The following PCDH9 variants were observed in gnomAD, a reference collection of about 807,000 sequenced individuals.
PCDH9 encodes protocadherin 9.
PCDH9 carries 24 observed loss-of-function variants against 70.6 expected under a neutral mutation model. That is an observed-to-expected ratio of 0.34 (90% CI 0.25 to 0.48). PCDH9 has a LOEUF of 0.48. PCDH9 is among the 20% of genes least tolerant of loss of function. The pLI, the probability that PCDH9 is intolerant of heterozygous loss-of-function variation, is 0.99. For missense variants in PCDH9, 1,281 were observed against 1,503.6 expected, an observed-to-expected ratio of 0.85 and a Z score of 2.45; for synonymous variants, 562 against 558.5, an observed-to-expected ratio of 1.01 and a Z score of -0.09.
chr13:67,080,145 C>T (rs2085955102), intron 2 of PCDH9, among the ~76,000 whole-genome samples: 1 of 152,220 alleles, frequency 6.6e-6, no homozygotes, highest in Non-Finnish European at 1.5e-5. Context: ...GCCGTGGTCA[C>T]TCATATTGAC....
intron 2 of PCDH9, among the ~76,000 whole-genome samples, chr13:66,952,126 T>C (rs916781759): frequency 2.0e-5 from 3 of 152,214 alleles, no homozygotes; most frequent in African/African-American, 7.2e-5. Context: ...TATATGGTTT[T>C]GTACAGTCTA....
chr13:66,851,841 CAG>C (rs1199903485), intron 3 of PCDH9, among the ~76,000 whole-genome samples: 2 of 152,112 alleles, frequency 1.3e-5, no homozygotes, highest in Non-Finnish European at 2.9e-5. Flanking sequence ...GCTTAAAAAA[CAG>C]AAATTTAATT....
At chr13:66,439,897 G>A (rs1331279333) in intron 4 of PCDH9, among the ~76,000 whole-genome samples, 1 of 152,110 alleles carries the variant, frequency 6.6e-6, no homozygotes, top group Admixed American at 6.6e-5. Flanking sequence ...AGGGTTACAA[G>A]TTTAACATCC....
rs145767337 is a variant in PCDH9, at chr13:66,865,857, C to T, written c.3138+37647G>A. Among the ~76,000 whole-genome samples the T allele has an allele frequency of 7.8e-3, 1,185 of 152,266 alleles. 12 individuals are homozygous for T. Among genetic ancestry groups the T allele is most frequent in the African/African-American group, 0.027 (1,104 of 41,536 alleles). The stretch of plus-strand genomic sequence containing the variant: ...TAAGTTGTCAAGTTTTTTGAAAATG[C>T]ACCTTTTCTGTTTTTACAAATAATT... On this transcript the variant is annotated intron_variant, in intron 3 of 4. Transcript: ENST00000377865.
At chr13:66,552,692 A>C (rs1039194089) in intron 4 of PCDH9, among the ~76,000 whole-genome samples, 1 of 152,146 alleles carries the variant, frequency 6.6e-6, no homozygotes, top group Non-Finnish European at 1.5e-5. Context: ...CACATATAAA[A>C]ATCAACATAA....
intron 4 of PCDH9, among the ~76,000 whole-genome samples, chr13:66,482,313 C>T (rs771542194): frequency 2.0e-5 from 3 of 152,124 alleles, no homozygotes; most frequent in Non-Finnish European, 4.4e-5. Flanking sequence ...TTGTCATTTC[C>T]GTCTCCCAAT....
intron 4 of PCDH9, among the ~76,000 whole-genome samples, chr13:66,308,417 A>G (rs528532706): frequency 6.6e-6 from 1 of 152,190 alleles, no homozygotes; most frequent in South Asian, 2.1e-4. Flanking sequence ...AAATTTATAG[A>G]AGTTTTGTAG....
chr13:67,063,210 T>G (rs2085573590), intron 2 of PCDH9, among the ~76,000 whole-genome samples: 1 of 152,094 alleles, frequency 6.6e-6, no homozygotes, highest in Non-Finnish European at 1.5e-5. Flanking sequence ...TATGGCATAG[T>G]GAGGTAGAGA....
chr13:66,598,609 T>G (rs1298044587), intron 4 of PCDH9, among the ~76,000 whole-genome samples: 1 of 151,844 alleles, frequency 6.6e-6, no homozygotes, highest in East Asian at 1.9e-4. Context: ...TATTAGATAA[T>G]AAATTCAACA....
At chr13:66,950,054 A>G (rs2083152549) in intron 2 of PCDH9, among the ~76,000 whole-genome samples, 1 of 152,126 alleles carries the variant, frequency 6.6e-6, no homozygotes, top group Non-Finnish European at 1.5e-5. Flanking sequence ...AAACAAGATT[A>G]TCACATTAAA....
At chr13:66,534,888 T>C (rs1960625640) in intron 4 of PCDH9, among the ~76,000 whole-genome samples, 1 of 152,120 alleles carries the variant, frequency 6.6e-6, no homozygotes, top group African/African-American at 2.4e-5. Flanking sequence ...TCTTGTCAAC[T>C]GTGACACAAG....
chr13:66,304,664 G>A lies in PCDH9; in HGVS notation c.3705C>T (p.His1235=), dbSNP rs2059235784. 6.2e-7 allele frequency: 1 copy of A among 1,612,552 alleles called. No homozygotes were observed. Among genetic ancestry groups the A allele is most frequent in the African/African-American group, 1.3e-5 (1 of 74,896 alleles). Residue 1235 remains histidine (H), a synonymous_variant, in exon 5 of 5, where the codon CAC becomes CAT. Transcript: ENST00000377865. ...AGGATESPKE[H]QL is the part of the protein sequence containing the mutation. ...CCCATATAGCCTTTTCTTAGAGTTG[G>A]TGCTCCTTAGGACTCTCAGTAGCAC...
At chr13:67,190,109 G>T (rs2088869414) in intron 2 of PCDH9, among the ~76,000 whole-genome samples, 3 of 151,918 alleles carry the variant, frequency 2.0e-5, no homozygotes, top group Admixed American at 1.3e-4. Flanking sequence ...GGTCCTCATA[G>T]AATTTTAAAT....
intron 2 of PCDH9, among the ~76,000 whole-genome samples, chr13:67,028,802 T>A (rs2084845207): frequency 6.6e-6 from 1 of 152,110 alleles, no homozygotes; most frequent in African/African-American, 2.4e-5. Flanking sequence ...TTAGAATAAA[T>A]GAAACCTCAA....
At position 67,227,800 on chromosome 13, in the gene PCDH9, T is replaced by C. The variant is rs1417079669; in HGVS notation, c.641A>G (p.Gln214Arg). The change falls in exon 2 of 5, where the codon CAG becomes CGG. Residue 214 changes from glutamine (Q) to arginine (R), a missense_variant. By Grantham distance (43) the Gln-to-Arg change is conservative. This residue lies in a region of PCDH9 where 798 missense variants were observed against 1,003.1 expected (regional missense o/e 0.80). Transcript: ENST00000377865. This position sits in a 1 kb window ranked among gnomAD's most constrained non-coding sequence, Gnocchi z 4.6. ...GATTTTCATCACATAGGTATCTTTC[T>C]GTTCTCTATCCAAGTTTTGCTGAAC... ...LIVQQNLDRE[Q>R]KDTYVMKIKV... 2 of 1,613,962 alleles carry C rather than the reference T, an allele frequency of 1.2e-6. No individual in the cohort carries two copies. Among genetic ancestry groups the C allele is most frequent in the African/African-American group, 1.3e-5 (1 of 74,928 alleles).
At chr13:66,906,677 T>C (rs1448510301) in intron 2 of PCDH9, among the ~76,000 whole-genome samples, 1 of 152,216 alleles carries the variant, frequency 6.6e-6, no homozygotes, top group Non-Finnish European at 1.5e-5. Context: ...TGTTCTTTCC[T>C]TACTTTTTAA....
At chr13:66,526,837 T>G (rs1383263783) in intron 4 of PCDH9, among the ~76,000 whole-genome samples, 1 of 152,188 alleles carries the variant, frequency 6.6e-6, no homozygotes, top group Non-Finnish European at 1.5e-5. Context: ...CTTTGTATTT[T>G]AGATTACTTA....
At chr13:66,407,117 G>T (rs1265295524) in intron 4 of PCDH9, among the ~76,000 whole-genome samples, 1 of 152,160 alleles carries the variant, frequency 6.6e-6, no homozygotes, top group African/African-American at 2.4e-5. Flanking sequence ...CTCTCCACTG[G>T]AGCAATGTCC....
At chr13:67,140,342 T>C (rs1053014660) in intron 2 of PCDH9, among the ~76,000 whole-genome samples, 8 of 152,062 alleles carry the variant, frequency 5.3e-5, no homozygotes, top group African/African-American at 1.9e-4. Context: ...TAAGATAAGT[T>C]TGCCAGTGGA....
Sources: allele counts gnomAD v4.1 joint callset (sites outside exome capture counted in the v4.1 genomes callset), GRCh38; gene constraint gnomAD v4.1.1; regional missense constraint gnomAD v4.1.1; non-coding constraint Gnocchi (gnomAD v3.1); transcripts MANE v1.5; gene names NCBI Gene and HGNC (gene_info 2026-07-23, HGNC 2026-07-21).